The following AFF1 variants were observed in gnomAD, a reference collection of about 807,000 sequenced individuals.
The protein encoded by AFF1 is ALF transcription elongation factor 1, also known as AF4/FMR2 family member 1.
In AFF1, 48 loss-of-function variants were observed where a neutral mutation model predicts 121.7. The observed-to-expected ratio is 0.39, with a 90% CI of 0.31 to 0.50. AFF1 has a LOEUF of 0.50. Among genes scored for constraint, AFF1 ranks in the 20% least tolerant of loss-of-function variants. The probability of loss-of-function intolerance (pLI) is 0.76; values close to 1 mark genes in which losing one functional copy is unlikely to be tolerated. For synonymous variants in AFF1, 613 were observed against 563.0 expected (o/e 1.09, Z -1.26); for missense variants, 1,523 against 1,511.7 (o/e 1.01, Z -0.12).
At chr4:86,988,418 C>A (rs111240103) in intron 2 of AFF1, among the ~76,000 whole-genome samples, 1 of 151,870 alleles carries the variant, frequency 6.6e-6, no homozygotes, top group African/African-American at 2.4e-5. Context: ...TAAAAACATG[C>A]GATATTTGCC....
chr4:87,039,896 A>ATATTTATT (rs146123050), intron 2 of AFF1, among the ~76,000 whole-genome samples: 4 of 151,666 alleles, frequency 2.6e-5, no homozygotes, highest in South Asian at 2.1e-4. Context: ...CACAGTTTTT[A>ATATTTATT]TATTTATTTA....
chr4:87,105,533 C>T lies in AFF1; in HGVS notation c.1284-95C>T, dbSNP rs934127334. ...AAGAAAACTTACACATATCCTCTCT[C>T]TTTGTTTAATTAGGCATATTTTCTA... On this transcript the variant is annotated intron_variant, in intron 8 of 20. Coordinates refer to ENST00000395146, the MANE Select transcript of AFF1 (RefSeq NM_001166693.3). The T allele has an allele frequency of 7.2e-6, 10 of 1,389,370 alleles. No individual in the cohort carries two copies. In the African/African-American group the frequency reaches 1.4e-4, roughly 20 times the overall value. 86.1% of individuals were successfully genotyped at this position (1,389,370 alleles called of 1,614,324 possible).
intron 6 of AFF1, among the ~76,000 whole-genome samples, chr4:87,090,779 C>T (rs562053469): frequency 2.8e-4 from 43 of 151,270 alleles, no homozygotes; most frequent in African/African-American, 9.0e-4. Context: ...TTTGGGAGGC[C>T]GAGGTGGGTG....
intron 2 of AFF1, among the ~76,000 whole-genome samples, chr4:86,976,794 A>G (rs1254255858): frequency 6.6e-6 from 1 of 152,228 alleles, no homozygotes; most frequent in Non-Finnish European, 1.5e-5. Flanking sequence ...CTGGAGCCAG[A>G]ACTGGGTGCC....
At chr4:87,125,992 T>C in intron 13 of AFF1, 107 bp from the exon 14 acceptor site, 2 of 1,151,604 alleles carry the variant, frequency 1.7e-6, no homozygotes, top group South Asian at 1.4e-5. Flanking sequence ...GTTTCATGCT[T>C]TGTGATACCC....
chr4:87,006,953 C>A, intron 2 of AFF1: 1 of 1,031,720 alleles, frequency 9.7e-7, no homozygotes, highest in African/African-American at 1.7e-5. Context: ...CAGGGGGTAT[C>A]CCGGCGGACT....
Position 87,082,399 on chromosome 4 carries a change from A to G in AFF1, c.1060-1721A>G, listed in dbSNP as rs548429345. Among the ~76,000 whole-genome samples the G allele has an allele frequency of 1.8e-4, 27 of 152,274 alleles. 1 individual carries two copies. Among genetic ancestry groups the G allele is most frequent in the African/African-American group, 6.5e-4 (27 of 41,562 alleles). On this transcript the variant is annotated intron_variant, in intron 4 of 20. Transcript: ENST00000395146. ...AAAAGGCCTGGTTGTTTGCATGTGT[A>G]ATGCTAGAGATGATTCCAGTGGATC... is the stretch of plus-strand genomic sequence containing the variant.
intron 2 of AFF1, among the ~76,000 whole-genome samples, chr4:87,011,487 A>G (rs1487035633): frequency 6.6e-6 from 1 of 152,150 alleles, no homozygotes; most frequent in African/African-American, 2.4e-5. Context: ...GCCCTGCCCT[A>G]TGCCCCGTCT....
intron 8 of AFF1, among the ~76,000 whole-genome samples, chr4:87,099,432 C>G (rs1311296236): frequency 6.6e-6 from 1 of 151,948 alleles, no homozygotes; most frequent in African/African-American, 2.4e-5. Flanking sequence ...TTTTTTGAGA[C>G]AGGGTCTCAT....
At chr4:87,009,142 C>T (rs1465948565) in intron 2 of AFF1, among the ~76,000 whole-genome samples, 1 of 152,216 alleles carries the variant, frequency 6.6e-6, no homozygotes, top group Non-Finnish European at 1.5e-5. Flanking sequence ...GTGTGCCAGG[C>T]ACAGCATTAA....
At chr4:87,087,249 T>A (rs13143182) in intron 5 of AFF1, among the ~76,000 whole-genome samples, 11,731 of 152,290 alleles carry the variant, frequency 0.077, 618 homozygotes, top group Non-Finnish European at 0.11. Flanking sequence ...AGCACTAGGA[T>A]GTTGTAGTGA....
intron 12 of AFF1, among the ~76,000 whole-genome samples, chr4:87,115,625 T>TTTTTTTTGTTTTTTTTC (rs397994396): frequency 1.5e-4 from 15 of 102,970 alleles, no homozygotes; most frequent in African/African-American, 5.0e-4. Flanking sequence ...TTTTTTTTTT[T>TTTTTTTTGTTTTTTTTC]CCAAAGACAG....
At chr4:87,041,203 G>A (rs74563653) in intron 2 of AFF1, among the ~76,000 whole-genome samples, 6 of 152,016 alleles carry the variant, frequency 3.9e-5, no homozygotes, top group Non-Finnish European at 7.4e-5. Context: ...GCTAGCTTTC[G>A]TTCAGTTGGA....
chr4:87,106,253 C>T (rs987057696), intron 10 of AFF1, among the ~76,000 whole-genome samples: 3 of 152,150 alleles, frequency 2.0e-5, no homozygotes, highest in African/African-American at 7.2e-5. Flanking sequence ...CATGGTGGCG[C>T]ATGCCTGTAG....
chr4:86,974,093 C>T (rs1723126325), intron 2 of AFF1: 1 of 152,106 alleles, frequency 6.6e-6, no homozygotes, highest in Non-Finnish European at 1.5e-5. Flanking sequence ...TCTTTTGGGG[C>T]CCTTTGGGTC....
chr4:87,101,066 C>T lies in AFF1; in HGVS notation c.1284-4562C>T, dbSNP rs560019212. On this transcript the variant is annotated intron_variant, in intron 8 of 20. Transcript: ENST00000395146. ...CCCATAATTCCTGTGGAAAGTTTCC[C>T]ATGAACTTGAATTCTGCCTTCTAAC... Among the ~76,000 whole-genome samples the T allele has an allele frequency of 5.3e-5, 8 of 152,292 alleles. No homozygotes were observed. In the South Asian group the frequency reaches 1.2e-3, roughly 24 times the overall value.
At chr4:86,949,366 C>T (rs549618992) in intron 2 of AFF1, among the ~76,000 whole-genome samples, 17 of 150,348 alleles carry the variant, frequency 1.1e-4, no homozygotes, top group Admixed American at 5.3e-4. Context: ...CCCCCTGCCT[C>T]GGCCTCCCAA....
chr4:87,007,298 G>A (rs952871296), intron 2 of AFF1: 1 of 1,575,842 alleles, frequency 6.3e-7, no homozygotes, highest in Non-Finnish European at 8.6e-7. Context: ...GCGCCGCGCC[G>A]GGACGCGTCC....
At chr4:87,052,218 G>C (rs1327579222) in intron 4 of AFF1, among the ~76,000 whole-genome samples, 1 of 152,110 alleles carries the variant, frequency 6.6e-6, no homozygotes, top group Non-Finnish European at 1.5e-5. Context: ...TTCAAGACCA[G>C]CCTGGGCAAC....
Sources: allele counts gnomAD v4.1 joint callset (sites outside exome capture counted in the v4.1 genomes callset), GRCh38; gene constraint gnomAD v4.1.1; transcripts MANE v1.5; gene names NCBI Gene and HGNC (gene_info 2026-07-23, HGNC 2026-07-21).